The following ELAPOR1 variants were observed in gnomAD, a reference collection of about 807,000 sequenced individuals.
ELAPOR1 encodes endosome-lysosome associated apoptosis and autophagy regulator 1, also known as endosome/lysosome-associated apoptosis and autophagy regulator 1.
In ELAPOR1, 77 loss-of-function variants were observed where a neutral mutation model predicts 119.7. The ratio of observed to expected loss-of-function variants is 0.64; its 90% CI spans 0.54 to 0.78. The LOEUF is 0.78. Ranked by LOEUF, ELAPOR1 falls within the 30% of genes least tolerant of loss-of-function variation. The pLI, the probability that ELAPOR1 is intolerant of heterozygous loss-of-function variation, is 0.00. For missense variants in ELAPOR1, 1,115 were observed against 1,270.4 expected (o/e 0.88, Z 1.86); for synonymous variants, 481 against 487.2 (o/e 0.99, Z 0.17).
chr1:109,186,520 C>T, intron 8 of ELAPOR1: 1 of 985,442 alleles, frequency 1.0e-6, no homozygotes, highest in Non-Finnish European at 1.2e-6. Flanking sequence ...GCACAGTCAT[C>T]TCTTACCAAC....
chr1:109,186,881 G>A (rs984571896), intron 8 of ELAPOR1: 16 of 985,456 alleles, frequency 1.6e-5, no homozygotes, highest in African/African-American at 1.0e-4. Flanking sequence ...GACCACTGCC[G>A]GGGCCTTTAG....
intron 7 of ELAPOR1, among the ~76,000 whole-genome samples, chr1:109,179,676 C>A (rs948884849): frequency 6.6e-6 from 1 of 152,042 alleles, no homozygotes; most frequent in African/African-American, 2.4e-5. Flanking sequence ...GAGGCTGAGG[C>A]AGGTGGATCA....
intron 1 of ELAPOR1, among the ~76,000 whole-genome samples, chr1:109,124,011 C>G (rs768605422): frequency 6.6e-6 from 1 of 152,096 alleles, no homozygotes; most frequent in Non-Finnish European, 1.5e-5. Context: ...CCATGTTGCC[C>G]AGGCTAGTCT....
At chr1:109,180,211 C>G (rs1652609035) in intron 7 of ELAPOR1, among the ~76,000 whole-genome samples, 1 of 152,166 alleles carries the variant, frequency 6.6e-6, no homozygotes, top group East Asian at 1.9e-4. Context: ...GATCCATTTC[C>G]TAAACAGAAT....
intron 12 of ELAPOR1, 117 bp from the exon 13 acceptor site, chr1:109,191,609 A>C: frequency 7.0e-7 from 1 of 1,438,010 alleles, no homozygotes; most frequent in Non-Finnish European, 9.7e-7. Context: ...ACCAGCAGGG[A>C]CTTCACAGTT....
chr1:109,160,681 G>A (rs966729885), intron 1 of ELAPOR1, among the ~76,000 whole-genome samples: 1 of 152,168 alleles, frequency 6.6e-6, no homozygotes, highest in Non-Finnish European at 1.5e-5. Context: ...GTTAAAGGGG[G>A]ACATTAATTC....
intron 1 of ELAPOR1, among the ~76,000 whole-genome samples, chr1:109,144,054 TTTATATA>T (rs1297965012): frequency 1.1e-4 from 3 of 26,252 alleles, no homozygotes; most frequent in Non-Finnish European, 1.9e-4. Context: ...TATATATATA[TTTATATA>T]TTTTTTTTTT....
intron 7 of ELAPOR1, among the ~76,000 whole-genome samples, chr1:109,183,580 C>CCTTTCTTCCTTT (rs758453076): frequency 0.37 from 27,717 of 75,288 alleles, 4,129 homozygotes; most frequent in East Asian, 0.56. Context: ...TTCCTTCCTT[C>CCTTTCTTCCTTT]CTTCCTTCCT....
At chr1:109,146,410 G>A (rs1650181871) in intron 1 of ELAPOR1, among the ~76,000 whole-genome samples, 2 of 152,144 alleles carry the variant, frequency 1.3e-5, no homozygotes, top group African/African-American at 2.4e-5. Flanking sequence ...ATATATATCA[G>A]TGTGGAAGCT....
intron 1 of ELAPOR1, among the ~76,000 whole-genome samples, chr1:109,114,955 G>A (rs993910334): frequency 1.3e-5 from 2 of 152,136 alleles, no homozygotes; most frequent in African/African-American, 4.8e-5. Context: ...GTACCTGACA[G>A]TACACGACTC....
chr1:109,145,657 C>CA lies in ELAPOR1; in HGVS notation c.154-16229dup, dbSNP rs936786926. ...GGCAACAGAGCAAGAGACTCTGTCT[C>CA]AAAAAAAAGAAAAAAGAAATTTAAA... On this transcript the variant is annotated intron_variant, in intron 1 of 21. Coordinates refer to ENST00000369939, the MANE Select transcript of ELAPOR1 (RefSeq NM_020775.5). Among the ~76,000 whole-genome samples the CA allele has an allele frequency of 4.0e-5, 6 of 150,940 alleles. No homozygotes were observed. In the East Asian group the frequency reaches 7.8e-4, roughly 20 times the overall value.
At chr1:109,130,674 A>T (rs1004246020) in intron 1 of ELAPOR1, among the ~76,000 whole-genome samples, 1 of 152,108 alleles carries the variant, frequency 6.6e-6, no homozygotes, top group African/African-American at 2.4e-5. Context: ...AAATAGAGTT[A>T]TTAACCTTGT....
At chr1:109,120,860 A>C (rs1648363229) in intron 1 of ELAPOR1, among the ~76,000 whole-genome samples, 1 of 152,192 alleles carries the variant, frequency 6.6e-6, no homozygotes. Context: ...CACTCACTAA[A>C]TAGAGTCCAG....
intron 1 of ELAPOR1, among the ~76,000 whole-genome samples, chr1:109,144,281 A>G (rs1298124194): frequency 7.3e-5 from 11 of 150,480 alleles, no homozygotes; most frequent in Non-Finnish European, 1.2e-4. Context: ...CGAACTCCCA[A>G]CCTCAGGTGA....
intron 7 of ELAPOR1, among the ~76,000 whole-genome samples, chr1:109,184,836 C>T (rs1348487916): frequency 1.3e-5 from 2 of 152,186 alleles, no homozygotes; most frequent in South Asian, 2.1e-4. Flanking sequence ...GCACCTGGAA[C>T]AGGTGCAAAG....
chr1:109,135,627 C>G (rs559850379), intron 1 of ELAPOR1, among the ~76,000 whole-genome samples: 2 of 152,128 alleles, frequency 1.3e-5, no homozygotes, highest in Non-Finnish European at 2.9e-5. Flanking sequence ...ACTTTGGGAA[C>G]CATTGGTTTA....
At chr1:109,170,330 G>A (rs1415155718) in intron 3 of ELAPOR1, among the ~76,000 whole-genome samples, 1 of 152,092 alleles carries the variant, frequency 6.6e-6, no homozygotes, top group Non-Finnish European at 1.5e-5. Flanking sequence ...GGGTCGGGGA[G>A]TGTTCATTAC....
In ELAPOR1 at chr1:109,191,771, T is replaced by G. The variant is rs773611004; in HGVS notation, c.1591T>G (p.Ser531Ala). 1 of 1,614,162 alleles carries G rather than the reference T, an allele frequency of 6.2e-7. No homozygotes were observed. Among genetic ancestry groups the G allele is most frequent in the Admixed American group, 1.7e-5 (1 of 60,024 alleles). ...CACTCCTGTGGAGACGTGGAAAGGT[T>G]CCAAAGGCAAACAGTCCTATACCTA... ...TNTPVETWKG[S>A]KGKQSYTYII... Residue 531 changes from serine (S) to alanine (A), a missense_variant, in exon 13 of 22, where the codon TCC becomes GCC. Transcript: ENST00000369939.
chr1:109,116,240 G>A (rs1391934742), intron 1 of ELAPOR1, among the ~76,000 whole-genome samples: 1 of 152,232 alleles, frequency 6.6e-6, no homozygotes, highest in Non-Finnish European at 1.5e-5. Flanking sequence ...GTAGTGGAAA[G>A]CTATGGAGCT....
Sources: gnomAD v4.1 joint callset for allele counts (sites outside exome capture counted in the v4.1 genomes callset) on GRCh38, gnomAD v4.1.1 for gene constraint, MANE v1.5 for transcripts, NCBI Gene and HGNC (gene_info 2026-07-23, HGNC 2026-07-21) for gene names.